The following ODF2 variants were observed in gnomAD, a reference collection of about 807,000 sequenced individuals.
ODF2 encodes outer dense fiber protein 2.
In ODF2, 47 loss-of-function variants were observed where a neutral mutation model predicts 110.2. The ratio of observed to expected loss-of-function variants is 0.43; its 90% CI spans 0.34 to 0.54. The LOEUF is 0.54. ODF2 is among the 20% of genes least tolerant of loss of function. The probability of loss-of-function intolerance (pLI) is 0.03; values close to 1 mark genes in which losing one functional copy is unlikely to be tolerated. For missense variants in ODF2, 812 were observed against 1,054.5 expected (o/e 0.77, Z 3.19); for synonymous variants, 352 against 397.7 (o/e 0.89, Z 1.37).
intron 1 of ODF2, chr9:128,456,794 G>A: frequency 7.8e-7 from 1 of 1,287,846 alleles, no homozygotes; most frequent in Non-Finnish European, 1.0e-6. Context: ...CCAGCCCGGC[G>A]TCTATCCTGC....
In ODF2 at chr9:128,485,040, G is replaced by C. The variant is rs778179616; in HGVS notation, c.1290+154G>C. 3.1e-5 allele frequency: 25 copies of C among 807,112 alleles called. No individual in the cohort carries two copies. Among genetic ancestry groups the C allele is most frequent in the Non-Finnish European group, 4.4e-5 (22 of 501,070 alleles). The allele number at this position is 807,112 out of a possible 1,614,324, so 50.0% of individuals were successfully genotyped here. On this transcript the variant is annotated intron_variant, in intron 12 of 20. Transcript: ENST00000604420. This position sits in a 1 kb window ranked among gnomAD's most constrained non-coding sequence, Gnocchi z 5.0. The stretch of plus-strand genomic sequence containing the variant: ...GATGGCTGGGGAGGAGGGAGAGGGA[G>C]TTAAGGGGATCAAATGGGTAAAAGC...
At chr9:128,479,930 T>C (rs1480968811) in intron 8 of ODF2, among the ~76,000 whole-genome samples, 2 of 152,116 alleles carry the variant, frequency 1.3e-5, no homozygotes, top group African/African-American at 4.8e-5. Context: ...TGTACAGTAT[T>C]ATGAATATAC....
chr9:128,497,481 A>ATATG (rs1845852686), intron 18 of ODF2: 2 of 116,692 alleles, frequency 1.7e-5, no homozygotes, highest in Non-Finnish European at 3.5e-5. Context: ...ATATATATAT[A>ATATG]TATATGTATA....
intron 4 of ODF2, among the ~76,000 whole-genome samples, chr9:128,464,225 G>A (rs1319490920): frequency 7.0e-6 from 1 of 142,900 alleles, no homozygotes; most frequent in Non-Finnish European, 1.5e-5. Flanking sequence ...GTGCAATCTC[G>A]GCTCACTACA....
chr9:128,476,892 G>C lies in ODF2; in HGVS notation c.843+3151G>C, dbSNP rs1841396985. 6.6e-5 allele frequency among the ~76,000 whole-genome samples: 10 copies of C among 150,800 alleles called. 1 individual carries two copies. The South Asian group carries it at 2.1e-3, about 32-fold the overall frequency. ...AAACTCAGGCAATCTGCCCACCTCA[G>C]CCTCCCAAAATGCTGGGATTACAGG... is the stretch of plus-strand genomic sequence containing the variant. On this transcript the variant is annotated intron_variant, in intron 8 of 20. Coordinates refer to ENST00000604420, the Ensembl canonical transcript of ODF2.
chr9:128,462,966 T>C (rs1024613565), intron 4 of ODF2, among the ~76,000 whole-genome samples: 4 of 152,164 alleles, frequency 2.6e-5, no homozygotes, highest in African/African-American at 9.6e-5. Context: ...GTTGGTTAAA[T>C]TATAATACAT....
At chr9:128,465,263 C>T (rs1411381573) in intron 4 of ODF2, among the ~76,000 whole-genome samples, 2 of 152,168 alleles carry the variant, frequency 1.3e-5, no homozygotes, top group African/African-American at 2.4e-5. Flanking sequence ...GAGGCCCTAA[C>T]TCAACCCTGT....
At chr9:128,458,834 AAT>A (rs1835650830) in intron 2 of ODF2, among the ~76,000 whole-genome samples, 1 of 151,694 alleles carries the variant, frequency 6.6e-6, no homozygotes, top group Non-Finnish European at 1.5e-5. Context: ...TCTTTGAAAA[AAT>A]TTTTTTTTCT....
At chr9:128,463,480 C>T (rs1045976098) in intron 4 of ODF2, among the ~76,000 whole-genome samples, 5 of 152,130 alleles carry the variant, frequency 3.3e-5, no homozygotes, top group African/African-American at 1.2e-4. Context: ...TAGCTGGGTG[C>T]AGTGGTACGC....
chr9:128,465,533 G>A (rs1837623857), intron 4 of ODF2, among the ~76,000 whole-genome samples: 1 of 151,332 alleles, frequency 6.6e-6, no homozygotes, highest in South Asian at 2.1e-4. Flanking sequence ...ATGAGGTCAA[G>A]AGATTGAGAC....
exon 4 of ODF2, chr9:128,460,974 T>C: frequency 1.2e-6 from 2 of 1,614,188 alleles, no homozygotes; most frequent in Non-Finnish European, 1.7e-6. Context: ...AAGGGGACAC[T>C]GTGAATGTGC....
intron 5 of ODF2, 185 bp downstream of exon 5, chr9:128,469,538 A>C: frequency 1.6e-6 from 1 of 617,606 alleles, no homozygotes; most frequent in Non-Finnish European, 2.9e-6. Flanking sequence ...CATCCCACCA[A>C]CAAGGGCCCT....
At chr9:128,479,270 AG>A in intron 8 of ODF2, among the ~76,000 whole-genome samples, 1 of 152,238 alleles carries the variant, frequency 6.6e-6, no homozygotes. Context: ...CCCTCCCTCA[AG>A]GGATACTTTG....
chr9:128,457,620 C>A (rs148588551), intron 2 of ODF2, among the ~76,000 whole-genome samples: 1 of 152,214 alleles, frequency 6.6e-6, no homozygotes, highest in South Asian at 2.1e-4. Context: ...CCTAGCTCTA[C>A]CTCCCTCGCT....
At chr9:128,499,231 C>A in intron 20 of ODF2, 105 bp downstream of exon 20, 2 of 1,373,002 alleles carry the variant, frequency 1.5e-6, no homozygotes, top group Non-Finnish European at 2.0e-6. Context: ...GTGAATATGA[C>A]ATGGTTTTAT....
chr9:128,480,305 G>A (rs567927855), intron 8 of ODF2, among the ~76,000 whole-genome samples: 115 of 152,208 alleles, frequency 7.6e-4, no homozygotes, highest in Non-Finnish European at 1.5e-3. Context: ...GATGTTCATC[G>A]TGATGATTTG....
At position 128,492,813 on chromosome 9, in the gene ODF2, TTTCC is replaced by T. The variant is rs747252036; in HGVS notation, c.1752+15_1752+18del. The T allele has an allele frequency of 6.2e-7, 1 of 1,608,152 alleles. No individual in the cohort carries two copies. The highest frequency in any genetic ancestry group is 8.5e-7 in the Non-Finnish European group (1 of 1,174,808). Reference sequence around the variant, plus strand: ...AACAAAGAGATTGAGGCGGTACTGCTTTCCTTCCTTGTTTTCTTCTCCTACCCAA... The same window carrying T: ...AACAAAGAGATTGAGGCGGTACTGCTTTCCTTGTTTTCTTCTCCTACCCAA... On this transcript the variant is annotated intron_variant, in intron 16 of 20. Coordinates refer to ENST00000604420, the Ensembl canonical transcript of ODF2.
intron 11 of ODF2, among the ~76,000 whole-genome samples, chr9:128,484,382 T>A (rs1325808999): frequency 2.0e-5 from 3 of 151,992 alleles, no homozygotes; most frequent in Non-Finnish European, 4.4e-5. Context: ...TCCTCTGAGG[T>A]CATACTCTGC....
intron 14 of ODF2, 43 bp downstream of exon 14, chr9:128,488,068 A>G (rs762642348): frequency 6.2e-6 from 10 of 1,610,624 alleles, no homozygotes; most frequent in South Asian, 1.1e-5. Context: ...GATGGGGCCC[A>G]GCGAGCTGAT....
Sources: allele counts gnomAD v4.1 joint callset (sites outside exome capture counted in the v4.1 genomes callset), GRCh38; gene constraint gnomAD v4.1.1; non-coding constraint Gnocchi (gnomAD v3.1); transcripts MANE v1.5; gene names NCBI Gene and HGNC (gene_info 2026-07-23, HGNC 2026-07-21).